ZDHHC1: variants seen among roughly 807,000 people sequenced by gnomAD.
The protein encoded by ZDHHC1 is zDHHC palmitoyltransferase 1.
In ZDHHC1, 45 loss-of-function variants were observed where a neutral mutation model predicts 46.9. That is an observed-to-expected ratio of 0.96 (90% CI 0.76 to 1.23). The LOEUF is 1.23. Among genes scored for constraint, ZDHHC1 ranks in the 50% most tolerant of loss-of-function variants. The probability of loss-of-function intolerance (pLI) is 0.00; values close to 1 mark genes in which losing one functional copy is unlikely to be tolerated. For missense variants in ZDHHC1, 649 were observed against 670.8 expected (o/e 0.97, Z 0.36); for synonymous variants, 291 against 286.0 (o/e 1.02, Z -0.18).
rs1291981139 is a variant in ZDHHC1, at chr16:67,406,156, C to A, written c.252+44G>T. 6.3e-7 allele frequency: 1 copy of A among 1,586,778 alleles called. No homozygotes were observed. The highest frequency in any genetic ancestry group is 8.6e-7 in the Non-Finnish European group (1 of 1,163,738). On this transcript the variant is annotated intron_variant, in intron 3 of 11. Transcript: ENST00000565726. The surrounding 1 kb of genome is among the most constrained non-coding windows in gnomAD (Gnocchi z 4.1). ...CCTCCGCTGTGCCAGCCATCCTTTGCCTCCCCACTTCCACACACCAGCCCT... is the reference window on the plus strand; with the variant it reads ...CCTCCGCTGTGCCAGCCATCCTTTGACTCCCCACTTCCACACACCAGCCCT...
intron 1 of ZDHHC1, among the ~76,000 whole-genome samples, chr16:67,413,081 AT>A (rs797011908): frequency 5.5e-3 from 716 of 129,930 alleles, no homozygotes; most frequent in Middle Eastern, 9.3e-3. Flanking sequence ...CACCCAGCCT[AT>A]TTTTTTTTTT....
At chr16:67,409,814 G>A (rs780315209) in intron 1 of ZDHHC1, among the ~76,000 whole-genome samples, 8 of 152,188 alleles carry the variant, frequency 5.3e-5, no homozygotes, top group Non-Finnish European at 8.8e-5. Context: ...AGCCCAGCCT[G>A]CGCACTTAGG....
At chr16:67,407,673 T>C (rs1016470137) in intron 2 of ZDHHC1, 94 bp downstream of exon 2, 2 of 774,472 alleles carry the variant, frequency 2.6e-6, no homozygotes, top group African/African-American at 3.4e-5. Flanking sequence ...CTGCCCTCAT[T>C]AGGACAACTT....
At chr16:67,407,979 C>T (rs913388976) in intron 1 of ZDHHC1, among the ~76,000 whole-genome samples, 166 bp from the exon 2 acceptor site, 3 of 152,162 alleles carry the variant, frequency 2.0e-5, no homozygotes, top group African/African-American at 7.2e-5. Context: ...CGGCTGGCTA[C>T]CACCCTGACT....
At chr16:67,398,395 A>C in intron 7 of ZDHHC1, 71 bp from the exon 8 acceptor site, 1 of 1,550,958 alleles carries the variant, frequency 6.4e-7, no homozygotes, top group African/African-American at 1.4e-5. Flanking sequence ...AGGGAGGACA[A>C]CCAGCCCCAG....
rs956781442 is a variant in ZDHHC1, at chr16:67,399,217, C to G, written c.530+138G>C. On this transcript the variant is annotated intron_variant, in intron 5 of 11. Coordinates refer to ENST00000565726, the MANE Select transcript of ZDHHC1 (RefSeq NM_001323627.2). Reference sequence around the variant, plus strand: ...ACCCAGGAGCATCACTCTCTCTGGGCAGCACCCCCGCATAAAACGGGCACA... The same window carrying G: ...ACCCAGGAGCATCACTCTCTCTGGGGAGCACCCCCGCATAAAACGGGCACA... 5.9e-6 allele frequency: 5 copies of G among 853,870 alleles called. No homozygotes were observed. The African/African-American group carries it at 6.8e-5, about 12-fold the overall frequency. 52.9% of individuals were successfully genotyped at this position (853,870 alleles called of 1,614,324 possible). A position where few individuals can be genotyped will look rare whatever the true frequency, so the allele number is the denominator to read the frequency against.
chr16:67,413,630 C>A (rs955652318), intron 1 of ZDHHC1, among the ~76,000 whole-genome samples: 1 of 152,146 alleles, frequency 6.6e-6, no homozygotes, highest in Admixed American at 6.5e-5. Flanking sequence ...CTTTCTCTCT[C>A]ATAAACAACA....
chr16:67,408,919 T>C (rs1051050037), intron 1 of ZDHHC1, among the ~76,000 whole-genome samples: 8 of 152,242 alleles, frequency 5.3e-5, no homozygotes, highest in African/African-American at 1.9e-4. Flanking sequence ...TCTCTGTGGC[T>C]TGCACATCAG....
Position 67,398,269 on chromosome 16 carries a change from C to A in ZDHHC1, c.870G>T (p.Glu290Asp), listed in dbSNP as rs1325301901. Residue 290 changes from glutamate to aspartate, a missense_variant, in exon 8 of 12, where the codon GAG becomes GAT. By Grantham distance (45) the Glu-to-Asp change is conservative. Transcript: ENST00000565726. The stretch of plus-strand genomic sequence containing the variant: ...CGAGCTCCCTGTGAACCCCCTTGGC[C>A]TCCTGTGGTGGGCGGTGCTGCACGA... ...EYIVQHRPPQ[E>D]AKGVHRELES... The A allele has an allele frequency of 3.7e-6, 6 of 1,614,152 alleles. No individual in the cohort carries two copies. In the East Asian group the frequency reaches 1.3e-4, roughly 36 times the overall value.
Position 67,394,874 on chromosome 16 carries a change from G to A in ZDHHC1, c.1185C>T (p.Arg395=), listed in dbSNP as rs1404543800. The A allele has an allele frequency of 1.3e-6, 2 of 1,562,102 alleles. No homozygotes were observed. The highest frequency in any genetic ancestry group is 2.3e-5 in the South Asian group (2 of 85,788). Residue 395 remains arginine, a synonymous_variant, in exon 12 of 12, where the codon CGC becomes CGT. Coordinates refer to ENST00000565726, the MANE Select transcript of ZDHHC1 (RefSeq NM_001323627.2). ...DPASGPRAPS[R]RSSSSTDSAD... ...CGGAATCCGTCGACGAGCTGGAGCGGCGGCTGGGGGCCCTAGGCCCTGCGC... is the reference window on the plus strand; with the variant it reads ...CGGAATCCGTCGACGAGCTGGAGCGACGGCTGGGGGCCCTAGGCCCTGCGC...
rs1165069296 is a variant in ZDHHC1, at chr16:67,395,047, G to A, written c.1120C>T (p.Arg374Cys). The change falls in exon 11 of 12, where the codon CGC becomes TGC. Residue 374 changes from arginine to cysteine, a missense_variant. Transcript: ENST00000565726. ...RIRPQKKRKR[R>C]VYKVRTSETS... ...TCAGACGTTCGCACTTTATACACGC[G>A]CCTCTTCCTCTTTTTCTGCAGAGAC... is the stretch of plus-strand genomic sequence containing the variant. 8.1e-6 allele frequency: 13 copies of A among 1,612,948 alleles called. No individual in the cohort carries two copies. The highest frequency in any genetic ancestry group is 1.3e-5 in the African/African-American group (1 of 74,916).
intron 1 of ZDHHC1, among the ~76,000 whole-genome samples, chr16:67,409,611 C>T (rs897625396): frequency 6.6e-6 from 1 of 152,234 alleles, no homozygotes; most frequent in Non-Finnish European, 1.5e-5. Flanking sequence ...GCTGGGAGGT[C>T]GGAGAGAATC....
At chr16:67,399,235 C>T in intron 5 of ZDHHC1, 120 bp downstream of exon 5, 9 of 947,616 alleles carry the variant, frequency 9.5e-6, no homozygotes, top group Non-Finnish European at 1.4e-5. Flanking sequence ...CCGCATAAAA[C>T]GGGCACAGGT....
At chr16:67,402,573 G>A (rs771661710) in intron 3 of ZDHHC1, among the ~76,000 whole-genome samples, 15 of 152,096 alleles carry the variant, frequency 9.9e-5, no homozygotes, top group Non-Finnish European at 1.8e-4. Context: ...TGAGGGATAC[G>A]GCAGGGGCAA....
intron 1 of ZDHHC1, among the ~76,000 whole-genome samples, chr16:67,410,737 C>G (rs917784619): frequency 2.6e-5 from 4 of 151,886 alleles, no homozygotes; most frequent in African/African-American, 7.2e-5. Context: ...ATGAGCTCAG[C>G]TCACTGCAAC....
intron 1 of ZDHHC1, among the ~76,000 whole-genome samples, chr16:67,410,827 A>G (rs2040738460): frequency 6.6e-6 from 1 of 151,816 alleles, no homozygotes; most frequent in South Asian, 2.1e-4. Context: ...CACCACGTCC[A>G]GCTAATTTTT....
At chr16:67,411,663 T>C (rs1436068542) in intron 1 of ZDHHC1, among the ~76,000 whole-genome samples, 5 of 151,408 alleles carry the variant, frequency 3.3e-5, no homozygotes, top group East Asian at 1.9e-4. Flanking sequence ...CAAAAGACAA[T>C]ACAAATAAAC....
At chr16:67,405,567 G>A (rs543623809) in intron 3 of ZDHHC1, among the ~76,000 whole-genome samples, 27 of 152,322 alleles carry the variant, frequency 1.8e-4, no homozygotes, top group Admixed American at 4.6e-4. Flanking sequence ...GCTCCTGGGG[G>A]CTGTGGCCAG....
rs1293981232 is a variant in ZDHHC1, at chr16:67,394,738, G to A, written c.1321C>T (p.Leu441=). Reference sequence around the variant, plus strand: ...CGGCCCCGGCCCCGCGGGGCGGCCAGAGCGGCGCTGCCCAGGCGCGTCTGC... The same window carrying A: ...CGGCCCCGGCCCCGCGGGGCGGCCAAAGCGGCGCTGCCCAGGCGCGTCTGC... ...VAQTRLGSAA[L]AAPRGRGRQP... is the part of the protein sequence containing the mutation. Residue 441 remains leucine (L), a synonymous_variant, in exon 12 of 12, where the codon CTG becomes TTG. Coordinates refer to ENST00000565726, the MANE Select transcript of ZDHHC1 (RefSeq NM_001323627.2). 6.9e-7 allele frequency: 1 copy of A among 1,442,806 alleles called. No homozygotes were observed. Among genetic ancestry groups the A allele is most frequent in the Admixed American group, 2.7e-5 (1 of 36,724 alleles). 89.4% of individuals were successfully genotyped at this position (1,442,806 alleles called of 1,614,324 possible).
Sources: gnomAD v4.1 joint callset for allele counts (sites outside exome capture counted in the v4.1 genomes callset) on GRCh38, gnomAD v4.1.1 for gene constraint, Gnocchi (gnomAD v3.1) non-coding constraint, MANE v1.5 for transcripts, NCBI Gene and HGNC (gene_info 2026-07-23, HGNC 2026-07-21) for gene names.